Variants in ARAP3 observed in about 807,000 individuals in gnomAD.
ARAP3 encodes arf-GAP with Rho-GAP domain, ANK repeat and PH domain-containing protein 3.
Under a neutral mutation model 169.2 loss-of-function variants are expected in ARAP3, and 82 were observed. That is an observed-to-expected ratio of 0.48 (90% confidence interval 0.41 to 0.58). The LOEUF (loss-of-function observed/expected upper bound fraction) is 0.58. Ranked by LOEUF, ARAP3 falls within the 20% of genes least tolerant of loss-of-function variation. The pLI is 0.00. For synonymous variants in ARAP3, 791 were observed against 800.3 expected, an observed-to-expected ratio of 0.99 and a Z score of 0.20; for missense variants, 1,764 against 2,018.0, an observed-to-expected ratio of 0.87 and a Z score of 2.41.
intron 1 of ARAP3, among the ~76,000 whole-genome samples, chr5:141,681,113 C>T (rs377227551): frequency 2.0e-5 from 3 of 152,176 alleles, no homozygotes; most frequent in South Asian, 4.1e-4. Flanking sequence ...CAGCCCTGGC[C>T]GCCTCCACAT....
intron 16 of ARAP3, among the ~76,000 whole-genome samples, chr5:141,669,078 G>A (rs1439909376): frequency 6.6e-6 from 1 of 152,162 alleles, no homozygotes; most frequent in Non-Finnish European, 1.5e-5. Flanking sequence ...CTTGCTGTGT[G>A]TGGGCCTCAC....
At chr5:141,660,436 GT>G (rs1445069310) in intron 21 of ARAP3, among the ~76,000 whole-genome samples, 3 of 151,006 alleles carry the variant, frequency 2.0e-5, no homozygotes, top group Non-Finnish European at 4.4e-5. Flanking sequence ...GGAGCTTGCA[GT>G]GAGCCGAGAT....
At chr5:141,661,485 A>G (rs1454428148) in intron 21 of ARAP3, among the ~76,000 whole-genome samples, 199 bp downstream of exon 21, 2 of 152,260 alleles carry the variant, frequency 1.3e-5, no homozygotes, top group Non-Finnish European at 1.5e-5. Flanking sequence ...AAAGTCACAC[A>G]GCTAGAATGA....
rs137994820 is a variant in ARAP3, at chr5:141,661,723, T to C, written c.3080A>G (p.Asn1027Ser). 1.8e-4 allele frequency: 290 copies of C among 1,614,120 alleles called. No homozygotes were observed. Among genetic ancestry groups the C allele is most frequent in the Non-Finnish European group, 2.4e-4 (279 of 1,180,050 alleles). ...KDVIGCLPRV[N>S]RRTLATLIGH... ...AATGAGGGTGGCCAGTGTGCGGCGG[T>C]TGACCCGCGGCAGGCAGCCAATCAC... Residue 1027 changes from asparagine to serine, a missense_variant, in exon 21 of 33, where the codon AAC becomes AGC. Coordinates refer to ENST00000239440, the MANE Select transcript of ARAP3 (RefSeq NM_022481.6).
rs367852994 is a variant in ARAP3 at position 141,659,849 on chromosome 5, G to A, written c.3197C>T (p.Thr1066Met). 3.5e-5 allele frequency: 56 copies of A among 1,606,444 alleles called. No individual in the cohort carries two copies. The highest frequency in any genetic ancestry group is 4.2e-5 in the Non-Finnish European group (50 of 1,177,100). Reference sequence around the variant, plus strand: ...CACCTCGTGCTCCCCTCGCCCATCCGTCTGGAACACGCTGGGTGCAAACAG... The same window carrying A: ...CACCTCGTGCTCCCCTCGCCCATCCATCTGGAACACGCTGGGTGCAAACAG... Reference protein sequence around the residue: ...ALLFAPSVFQTDGRGEHEVRV... With the variant: ...ALLFAPSVFQMDGRGEHEVRV... Residue 1066 changes from threonine (T) to methionine (M), a missense_variant, in exon 22 of 33, where the codon ACG becomes ATG. Physicochemically the swap from Thr to Met is moderately conservative, Grantham distance 81 (BLOSUM62 -1). This residue lies in a region of ARAP3 where 1,112 missense variants were observed against 1,285.7 expected (regional missense o/e 0.86). Coordinates refer to ENST00000239440, the MANE Select transcript of ARAP3 (RefSeq NM_022481.6).
Position 141,670,759 on chromosome 5 carries a change from A to G in ARAP3, c.1991-131T>C, listed in dbSNP as rs151241031. The G allele has an allele frequency of 1.4e-3, 1,015 of 732,622 alleles. 5 individuals carry two copies. The East Asian group carries it at 0.023, about 16-fold the overall frequency. 45.4% of individuals were successfully genotyped at this position (732,622 alleles called of 1,614,324 possible). On this transcript the variant is annotated intron_variant, in intron 13 of 32. Coordinates refer to ENST00000239440, the MANE Select transcript of ARAP3 (RefSeq NM_022481.6). Reference sequence around the variant, plus strand: ...CTGCCAGCACAGCCAAGTAGAGCCCAATGGAGCTGGATCCCTCACTACCCA... The same window carrying G: ...CTGCCAGCACAGCCAAGTAGAGCCCGATGGAGCTGGATCCCTCACTACCCA...
intron 4 of ARAP3, 119 bp downstream of exon 4, chr5:141,679,426 C>A: frequency 1.0e-6 from 1 of 971,744 alleles, no homozygotes; most frequent in East Asian, 2.5e-5. Flanking sequence ...TGATACTCAT[C>A]CTGTATCTTG....
Position 141,654,239 on chromosome 5 carries a change from A to G in ARAP3, c.4346T>C (p.Phe1449Ser). The change falls in exon 33 of 33, where the codon TTT (phenylalanine) becomes TCT (serine). Residue 1449 changes from phenylalanine to serine, a missense_variant. By Grantham distance (155) the Phe-to-Ser change is radical (BLOSUM62 -2). Coordinates refer to ENST00000239440, the MANE Select transcript of ARAP3 (RefSeq NM_022481.6). ...LTSQKSLDQP[F>S]LSKSSTLGQE... is the part of the protein sequence containing the mutation. Reference sequence around the variant, plus strand: ...GCCAAGGGTGCTTGACTTGGAGAGAAAGGGTTGATCCAATGACTTCTGGCT... The same window carrying G: ...GCCAAGGGTGCTTGACTTGGAGAGAGAGGGTTGATCCAATGACTTCTGGCT... 1.2e-6 allele frequency: 2 copies of G among 1,614,140 alleles called. No homozygotes were observed. The highest frequency in any genetic ancestry group is 1.7e-6 in the Non-Finnish European group (2 of 1,180,014).
At position 141,658,476 on chromosome 5, in the gene ARAP3, A is replaced by G; in HGVS notation, c.3415T>C (p.Ser1139Pro). ...AGCTCCTCAGCAGTCAGGGTTGGGG[A>G]CACCTGGGGTCAGGGCAAGAGCAGA... ...LPDNCVTLKV[S>P]PTLTAEELTN... The change falls in exon 25 of 33, where the codon TCC becomes CCC. Residue 1139 changes from serine (S) to proline (P), a missense_variant. Transcript: ENST00000239440. 1 of 1,614,058 alleles carries G rather than the reference A, an allele frequency of 6.2e-7. No individual in the cohort carries two copies. Among genetic ancestry groups the G allele is most frequent in the Non-Finnish European group, 8.5e-7 (1 of 1,179,994 alleles).
Position 141,672,087 on chromosome 5 carries a change from G to C in ARAP3, c.1585+15C>G. 6.2e-7 allele frequency: 1 copy of C among 1,614,150 alleles called. No individual in the cohort carries two copies. The highest frequency in any genetic ancestry group is 8.5e-7 in the Non-Finnish European group (1 of 1,180,002). ...GCCCTCCTGTTCCCCACATGGGCTTGAGGCCATTCCTCACCTGCACACTGC... is the reference window on the plus strand; with the variant it reads ...GCCCTCCTGTTCCCCACATGGGCTTCAGGCCATTCCTCACCTGCACACTGC... On this transcript the variant is annotated intron_variant, in intron 10 of 32. Coordinates refer to ENST00000239440, the MANE Select transcript of ARAP3 (RefSeq NM_022481.6). The surrounding 1 kb of genome is among the most constrained non-coding windows in gnomAD (Gnocchi z 4.9).
Position 141,665,073 on chromosome 5 carries a change from C to A in ARAP3, c.2649G>T (p.Leu883=), listed in dbSNP as rs1481818562. 1 of 1,612,518 alleles carries A rather than the reference C, an allele frequency of 6.2e-7. No individual in the cohort carries two copies. The highest frequency in any genetic ancestry group is 8.5e-7 in the Non-Finnish European group (1 of 1,179,180). ...TGAAGTCCAGCCGGCCCTCTCCTTG[C>A]AGATACAGGGTCCTGAGACCCCAGA... ...VLVETGRTLY[L]QGEGRLDFTA... Residue 883 remains leucine (L), a synonymous_variant, in exon 19 of 33, where the codon CTG becomes CTT. Transcript: ENST00000239440.
At chr5:141,679,937 G>A (rs201860055) in intron 2 of ARAP3, 26 bp downstream of exon 2, 2 of 1,613,816 alleles carry the variant, frequency 1.2e-6, no homozygotes, top group East Asian at 2.2e-5. Flanking sequence ...CCCAGCATCA[G>A]TCCCTAGGGA....
Position 141,671,393 on chromosome 5 carries a change from C to T in ARAP3, c.1862G>A (p.Cys621Tyr), listed in dbSNP as rs895506696. ...PDHSQLLQAL[C>Y]AAVARPNLLK... Reference sequence around the variant, plus strand: ...CAGGTTGGGTCTTGCCACAGCTGCACACAGTGCCTGCAGGGAGGGAAGGGC... The same window carrying T: ...CAGGTTGGGTCTTGCCACAGCTGCATACAGTGCCTGCAGGGAGGGAAGGGC... Residue 621 changes from cysteine to tyrosine, a missense_variant, in exon 13 of 33, where the codon TGT becomes TAT. By Grantham distance (194) the Cys-to-Tyr change is radical. Transcript: ENST00000239440. The surrounding 1 kb of genome is among the most constrained non-coding windows in gnomAD (Gnocchi z 4.9). 1.2e-6 allele frequency: 2 copies of T among 1,610,902 alleles called. No homozygotes were observed. Among genetic ancestry groups the T allele is most frequent in the African/African-American group, 1.3e-5 (1 of 74,960 alleles).
intron 4 of ARAP3, 151 bp from the exon 5 acceptor site, chr5:141,673,959 C>CTTTT (rs10712701): frequency 3.8e-4 from 138 of 364,702 alleles, no homozygotes; most frequent in South Asian, 1.5e-3. Context: ...TTCTTTTCTT[C>CTTTT]TTTTTTTTTT....
At chr5:141,655,805 G>A (rs764690059) in intron 30 of ARAP3, 47 bp from the exon 31 acceptor site, 1 of 1,614,154 alleles carries the variant, frequency 6.2e-7, no homozygotes, top group Non-Finnish European at 8.5e-7. Flanking sequence ...GAAAGGCACT[G>A]AGGAGGACAG....
intron 32 of ARAP3, 74 bp from the exon 33 acceptor site, chr5:141,654,509 A>G: frequency 1.3e-6 from 2 of 1,501,090 alleles, no homozygotes; most frequent in Non-Finnish European, 8.9e-7. Flanking sequence ...ACATTTACTG[A>G]GCTCTTCCTC....
chr5:141,663,648 C>T lies in ARAP3; in HGVS notation c.2800+1274G>A, dbSNP rs79897305. Among the ~76,000 whole-genome samples, 85 of 152,248 alleles carry T rather than the reference C, an allele frequency of 5.6e-4. 1 individual carries two copies. The East Asian group carries it at 0.012, about 22-fold the overall frequency. The stretch of plus-strand genomic sequence containing the variant: ...TCTGACTTATTTCCTCCTTCGAACA[C>T]GAGAGAGGCTGAGAAGAGGATAAGG... On this transcript the variant is annotated intron_variant, in intron 19 of 32. Transcript: ENST00000239440.
At position 141,653,978 on chromosome 5, in the gene ARAP3, C is replaced by T; in HGVS notation, c.4607G>A (p.Ser1536Asn). The T allele has an allele frequency of 1.3e-6, 2 of 1,537,642 alleles. No individual in the cohort carries two copies. Among genetic ancestry groups the T allele is most frequent in the Non-Finnish European group, 1.7e-6 (2 of 1,142,922 alleles). ...GFPTQPPCTSSPPSSQPLT is the reference protein window; with the variant it reads ...GFPTQPPCTSNPPSSQPLT Reference sequence around the variant, plus strand: ...TGTGAGGGGCTGGCTGGAGGGTGGACTGGAAGTGCATGGGGGTTGGGTGGG... The same window carrying T: ...TGTGAGGGGCTGGCTGGAGGGTGGATTGGAAGTGCATGGGGGTTGGGTGGG... The change falls in exon 33 of 33, where the codon AGT becomes AAT. Residue 1536 changes from serine to asparagine, a missense_variant. Physicochemically the swap from Ser to Asn is conservative, Grantham distance 46 (BLOSUM62 1). Transcript: ENST00000239440.
rs2099909170 is a variant in ARAP3 at position 141,655,561 on chromosome 5, C to T, written c.4110+60G>A. 3.7e-6 allele frequency: 6 copies of T among 1,612,040 alleles called. No homozygotes were observed. The Admixed American group carries it at 1.0e-4, about 27-fold the overall frequency. ...AGGCTAGCAGGCACACCACTGCCTA[C>T]TGCAATGTGACAAGGGCTACACGAC... On this transcript the variant is annotated intron_variant, in intron 31 of 32. Transcript: ENST00000239440.
Sources: allele counts gnomAD v4.1 joint callset (sites outside exome capture counted in the v4.1 genomes callset), GRCh38; gene constraint gnomAD v4.1.1; regional missense constraint gnomAD v4.1.1; non-coding constraint Gnocchi (gnomAD v3.1); transcripts MANE v1.5; gene names NCBI Gene and HGNC (gene_info 2026-07-23, HGNC 2026-07-21).